The following ACSBG2 variants were observed in gnomAD, a reference collection of about 807,000 sequenced individuals.
The protein encoded by ACSBG2 is acyl-CoA synthetase bubblegum family member 2.
In ACSBG2, 62 loss-of-function variants were observed where a neutral mutation model predicts 74.7. The ratio of observed to expected loss-of-function variants is 0.83; its 90% CI spans 0.68 to 1.03. The LOEUF (loss-of-function observed/expected upper bound fraction) is 1.03. ACSBG2 is among the 50% of genes least tolerant of loss of function. The pLI is 0.00. For missense variants in ACSBG2, 730 were observed against 817.6 expected (o/e 0.89, Z 1.31); for synonymous variants, 309 against 294.1 (o/e 1.05, Z -0.52).
chr19:6,176,507 C>T (rs2072182369), intron 7 of ACSBG2: 2 of 805,850 alleles, frequency 2.5e-6, no homozygotes, highest in Admixed American at 3.1e-5. Context: ...CACACACACA[C>T]ACACGCACTC....
chr19:6,152,094 G>A (rs114344266), intron 4 of ACSBG2, among the ~76,000 whole-genome samples: 344 of 152,228 alleles, frequency 2.3e-3, no homozygotes, highest in African/African-American at 7.9e-3. Context: ...TGTGCTCCAC[G>A]TGTATGATCC....
rs575487900 is a variant in ACSBG2 at position 6,174,447 on chromosome 19, T to C, written c.739-2782T>C. Among the ~76,000 whole-genome samples the C allele has an allele frequency of 3.0e-4, 45 of 152,326 alleles. No individual in the cohort carries two copies. Among genetic ancestry groups the C allele is most frequent in the Non-Finnish European group, 6.0e-4 (41 of 68,030 alleles). Reference sequence around the variant, plus strand: ...AGAGAATCTGCAGCTCTGTTTAATCTACCACATATACATAAAATGCTTAGA... The same window carrying C: ...AGAGAATCTGCAGCTCTGTTTAATCCACCACATATACATAAAATGCTTAGA... On this transcript the variant is annotated intron_variant, in intron 7 of 14. Transcript: ENST00000588485. This position sits in a 1 kb window ranked among gnomAD's most constrained non-coding sequence, Gnocchi z 4.2.
Position 6,187,726 on chromosome 19 carries a change from T to A in ACSBG2, c.1808T>A (p.Val603Asp), listed in dbSNP as rs758747525. 2 of 1,613,668 alleles carry A rather than the reference T, an allele frequency of 1.2e-6. No homozygotes were observed. The highest frequency in any genetic ancestry group is 1.7e-6 in the Non-Finnish European group (2 of 1,179,888). Residue 603 changes from valine to aspartate, a missense_variant, in exon 13 of 15, where the codon GTC becomes GAC. By Grantham distance (152) the Val-to-Asp change is radical. Coordinates refer to ENST00000588485, the MANE Select transcript of ACSBG2 (RefSeq NM_030924.5). ...ATTGTGAAGCAGCAAGACCCCCTGG[T>A]CTACAAGGCCATCCAGCAAGGCATC... is the stretch of plus-strand genomic sequence containing the variant. ...TEIVKQQDPL[V>D]YKAIQQGINA...
In ACSBG2 at chr19:6,185,607, C is replaced by T. The variant is rs546934900; in HGVS notation, c.1494C>T (p.Gly498=). The T allele has an allele frequency of 3.1e-6, 5 of 1,614,132 alleles. No individual in the cohort carries two copies. In the African/African-American group the frequency reaches 6.7e-5, roughly 22 times the overall value. Residue 498 remains glycine (G), a synonymous_variant, in exon 11 of 15, where the codon GGC becomes GGT. Transcript: ENST00000588485. The stretch of plus-strand genomic sequence containing the variant: ...GCTGGCTACACTCTGGGGATCTGGG[C>T]CAGCTGGACGGTCTGGGTTTCCTCT... ...DEGWLHSGDL[G]QLDGLGFLYV... is the part of the protein sequence containing the mutation.
intron 5 of ACSBG2, 103 bp from the exon 6 acceptor site, chr19:6,161,112 A>G: frequency 1.1e-6 from 1 of 892,708 alleles, no homozygotes; most frequent in Non-Finnish European, 1.7e-6. Flanking sequence ...AAAAAAAAAA[A>G]GAGGCTAGAG....
intron 7 of ACSBG2, among the ~76,000 whole-genome samples, chr19:6,171,682 A>G (rs183778692): frequency 3.2e-4 from 48 of 152,122 alleles, no homozygotes; most frequent in Admixed American, 5.2e-4. Flanking sequence ...TCTGATGACT[A>G]TATGCCTCGG....
chr19:6,171,772 G>A (rs1353457573), intron 7 of ACSBG2, among the ~76,000 whole-genome samples: 2 of 151,872 alleles, frequency 1.3e-5, no homozygotes, highest in South Asian at 4.2e-4. Context: ...GGCAAGATTA[G>A]GTAAATTTTC....
chr19:6,152,561 T>TACTTATAGAACAG (rs2089277781), intron 4 of ACSBG2, among the ~76,000 whole-genome samples: 1 of 142,352 alleles, frequency 7.0e-6, no homozygotes, highest in Admixed American at 7.3e-5. Flanking sequence ...ATTTTTTTTT[T>TACTTATAGAACAG]TTTTTTTTTG....
At chr19:6,153,687 G>A (rs2089310416) in intron 4 of ACSBG2, among the ~76,000 whole-genome samples, 1 of 151,728 alleles carries the variant, frequency 6.6e-6, no homozygotes, top group Admixed American at 6.6e-5. Context: ...TAAAATAAAA[G>A]TGTTTTTAAA....
chr19:6,171,296 G>GAA (rs2089957500), intron 7 of ACSBG2, among the ~76,000 whole-genome samples: 2 of 152,000 alleles, frequency 1.3e-5, no homozygotes, highest in Non-Finnish European at 2.9e-5. Flanking sequence ...TGATTGTTTA[G>GAA]TTGCTTTATA....
At chr19:6,158,440 G>A (rs544518483) in intron 5 of ACSBG2, among the ~76,000 whole-genome samples, 10 of 135,262 alleles carry the variant, frequency 7.4e-5, no homozygotes, top group South Asian at 4.8e-4. Flanking sequence ...GCTGTCTTAC[G>A]TTTTTTTTTT....
intron 7 of ACSBG2, among the ~76,000 whole-genome samples, chr19:6,173,843 C>T (rs1320817594): frequency 3.3e-5 from 5 of 152,156 alleles, no homozygotes. Context: ...TGACACTTGT[C>T]AGCCACGCTG....
intron 2 of ACSBG2, among the ~76,000 whole-genome samples, chr19:6,145,422 T>A (rs993712154): frequency 2.3e-5 from 2 of 85,878 alleles, no homozygotes; most frequent in Admixed American, 2.7e-4. Flanking sequence ...AGAGCAAGAC[T>A]CCATCTCAAA....
intron 5 of ACSBG2, among the ~76,000 whole-genome samples, chr19:6,160,116 C>T (rs916841028): frequency 3.3e-5 from 5 of 151,968 alleles, no homozygotes; most frequent in Admixed American, 2.0e-4. Context: ...AGGGGCCGGG[C>T]GTGGTGGCTC....
chr19:6,185,739 A>G (rs2090388201), intron 11 of ACSBG2, 86 bp downstream of exon 11: 1 of 1,400,822 alleles, frequency 7.1e-7, no homozygotes, highest in African/African-American at 1.4e-5. Context: ...CACGAAGGCC[A>G]CCCCCAGTTC....
In ACSBG2 at chr19:6,183,171, GTTCT is replaced by G. The variant is rs762945861; in HGVS notation, c.1226_1229del (p.Phe409Ter). 3.1e-6 allele frequency: 5 copies of G among 1,614,240 alleles called. No homozygotes were observed. In the East Asian group the frequency reaches 6.7e-5, roughly 22 times the overall value. ...CGCCCCTCAACCAAGAGACTGCCGA[GTTCT>G]TTCTAAGCTTGGACATACCTATAGG... On this transcript the variant is annotated frameshift_variant, in exon 10 of 15. Transcript: ENST00000588485. LOFTEE classifies it high-confidence loss of function.
intron 7 of ACSBG2, among the ~76,000 whole-genome samples, chr19:6,169,637 T>G (rs2089909245): frequency 6.6e-6 from 1 of 152,246 alleles, no homozygotes; most frequent in Non-Finnish European, 1.5e-5. Flanking sequence ...GGTAATTTGA[T>G]AGGAATTGTG....
rs374024668 is a variant in ACSBG2 at position 6,180,730 on chromosome 19, TTTATTA to T, written c.907-2012_907-2007del. ...TTCACTAACGCATGTTACTATCTGT[TTTATTA>T]TTATTATTGCCATTCTAATTTGCAT... On this transcript the variant is annotated intron_variant, in intron 8 of 14. Coordinates refer to ENST00000588485, the MANE Select transcript of ACSBG2 (RefSeq NM_030924.5). The surrounding 1 kb of genome is among the most constrained non-coding windows in gnomAD (Gnocchi z 4.3). Among the ~76,000 whole-genome samples the T allele has an allele frequency of 4.6e-3, 700 of 152,300 alleles. 4 individuals are homozygous for T. Among genetic ancestry groups the T allele is most frequent in the African/African-American group, 0.016 (678 of 41,560 alleles).
At position 6,161,246 on chromosome 19, in the gene ACSBG2, C is replaced by T. The variant is rs535431440; in HGVS notation, c.539C>T (p.Ala180Val). The change falls in exon 6 of 15, where the codon GCG becomes GTG. Residue 180 changes from alanine (A) to valine (V), a missense_variant. Coordinates refer to ENST00000588485, the MANE Select transcript of ACSBG2 (RefSeq NM_030924.5). ...IPQSSLEPLK[A>V]IIQYRLPMKK... ...CAGAGCAGCCTAGAGCCCCTAAAAGCGATCATCCAGTACAGACTGCCAATG... is the reference window on the plus strand; with the variant it reads ...CAGAGCAGCCTAGAGCCCCTAAAAGTGATCATCCAGTACAGACTGCCAATG... 51 of 1,613,638 alleles carry T rather than the reference C, an allele frequency of 3.2e-5. No homozygotes were observed. The East Asian group carries it at 6.7e-4, about 21-fold the overall frequency.
Sources: gnomAD v4.1 joint callset for allele counts (sites outside exome capture counted in the v4.1 genomes callset) on GRCh38, gnomAD v4.1.1 for gene constraint, Gnocchi (gnomAD v3.1) non-coding constraint, MANE v1.5 for transcripts, NCBI Gene and HGNC (gene_info 2026-07-23, HGNC 2026-07-21) for gene names.